Variants in SLC44A5 observed in about 807,000 individuals in gnomAD.
SLC44A5 encodes solute carrier family 44 member 5.
A neutral mutation model predicts 101.8 loss-of-function variants in SLC44A5; 57 were observed. The ratio of observed to expected loss-of-function variants is 0.56; its 90% CI spans 0.45 to 0.70. The LOEUF is 0.70. SLC44A5 is among the 30% of genes least tolerant of loss of function. The pLI is 0.00. For missense variants in SLC44A5, 737 were observed against 853.1 expected, an observed-to-expected ratio of 0.86 and a Z score of 1.70; for synonymous variants, 281 against 290.9, an observed-to-expected ratio of 0.97 and a Z score of 0.35.
At chr1:75,479,343 T>C (rs1404648586) in intron 2 of SLC44A5, among the ~76,000 whole-genome samples, 7 of 152,116 alleles carry the variant, frequency 4.6e-5, no homozygotes, top group South Asian at 2.1e-4. Flanking sequence ...TTAAAAGAAC[T>C]AGAAAAGCAA....
intron 4 of SLC44A5, among the ~76,000 whole-genome samples, chr1:75,323,876 G>C (rs1656373368): frequency 6.6e-6 from 1 of 152,154 alleles, no homozygotes; most frequent in Admixed American, 6.6e-5. Flanking sequence ...CAGCATACTA[G>C]TATTTCAAAG....
chr1:75,432,211 AC>A (rs1463672724), intron 2 of SLC44A5, among the ~76,000 whole-genome samples: 1 of 152,144 alleles, frequency 6.6e-6, no homozygotes, highest in African/African-American at 2.4e-5. Flanking sequence ...TCTTTATTAA[AC>A]AATACCTTTG....
At chr1:75,694,449 T>C in the SLC44A5 span, among the ~76,000 whole-genome samples, 1 of 152,128 alleles carries the variant, frequency 6.6e-6, no homozygotes, top group African/African-American at 2.4e-5. Context: ...GTTTTCTTCC[T>C]AGCATTTATC....
chr1:75,579,935 A>G (rs2102065320), intron 1 of SLC44A5, among the ~76,000 whole-genome samples: 1 of 152,250 alleles, frequency 6.6e-6, no homozygotes, highest in East Asian at 1.9e-4. Flanking sequence ...TTAAGATCTC[A>G]GATCAAATTT....
At chr1:75,556,761 G>A (rs1010683499) in intron 1 of SLC44A5, among the ~76,000 whole-genome samples, 3 of 152,090 alleles carry the variant, frequency 2.0e-5, no homozygotes, top group African/African-American at 7.2e-5. Flanking sequence ...TTTGGACAAG[G>A]ACGGGTAGGC....
At chr1:75,501,775 G>T (rs1398260833) in intron 2 of SLC44A5, among the ~76,000 whole-genome samples, 2 of 152,156 alleles carry the variant, frequency 1.3e-5, no homozygotes, top group Non-Finnish European at 2.9e-5. Flanking sequence ...ATGCTTATCT[G>T]ATGAATTGTT....
chr1:75,356,226 A>AG (rs1324116501), intron 3 of SLC44A5, among the ~76,000 whole-genome samples: 1 of 150,238 alleles, frequency 6.7e-6, no homozygotes. Context: ...AAAAAAAAAA[A>AG]AAAAAAGAGA....
rs146923857 is a variant in SLC44A5, at chr1:75,541,474, G to T, written c.-27C>A. On this transcript the variant is annotated 5_prime_UTR_variant, in exon 2 of 24. Transcript: ENST00000370859. ...GAGATAAAAGGCTGTCTCTTCAGAAGTAGGCCTGAATCACTGCAAACTTGA... is the reference window on the plus strand; with the variant it reads ...GAGATAAAAGGCTGTCTCTTCAGAATTAGGCCTGAATCACTGCAAACTTGA... 148 of 1,610,912 alleles carry T rather than the reference G, an allele frequency of 9.2e-5. No individual in the cohort carries two copies. In the African/African-American group the frequency reaches 1.4e-3, roughly 15 times the overall value.
chr1:75,579,188 C>T (rs1280621886), intron 1 of SLC44A5, among the ~76,000 whole-genome samples: 2 of 152,154 alleles, frequency 1.3e-5, no homozygotes. Flanking sequence ...TAGTTATAAT[C>T]TGGGAAAATG....
intron 5 of SLC44A5, among the ~76,000 whole-genome samples, chr1:75,293,494 AT>A (rs1308013723): frequency 6.6e-6 from 1 of 152,212 alleles, no homozygotes; most frequent in Non-Finnish European, 1.5e-5. Context: ...TTAAAGGTAC[AT>A]TTTAACTGTT....
chr1:75,528,452 A>G (rs544840704), intron 2 of SLC44A5, among the ~76,000 whole-genome samples: 2 of 152,354 alleles, frequency 1.3e-5, no homozygotes, highest in East Asian at 3.9e-4. Flanking sequence ...TACGAAATTA[A>G]GAGTATACAA....
At chr1:75,626,768 T>C in the SLC44A5 span, among the ~76,000 whole-genome samples, 1 of 152,132 alleles carries the variant, frequency 6.6e-6, no homozygotes, top group Non-Finnish European at 1.5e-5. Flanking sequence ...CTCCATTCTT[T>C]CACCTCTCTA....
chr1:75,431,248 G>C (rs1374227795), intron 2 of SLC44A5, among the ~76,000 whole-genome samples: 1 of 152,104 alleles, frequency 6.6e-6, no homozygotes, highest in East Asian at 1.9e-4. Context: ...AAGAAACAAA[G>C]CAAATACTTA....
intron 1 of SLC44A5, among the ~76,000 whole-genome samples, chr1:75,593,513 A>G (rs533755901): frequency 6.6e-6 from 1 of 152,254 alleles, no homozygotes; most frequent in Non-Finnish European, 1.5e-5. Context: ...GGAAATCAGT[A>G]TATCAAAGAG....
chr1:75,206,504 A>G, intron 23 of SLC44A5: 1 of 782,444 alleles, frequency 1.3e-6, no homozygotes, highest in Admixed American at 2.3e-5. Context: ...CTTAGAATTA[A>G]GCACAGAAAT....
At chr1:75,653,297 C>T in the SLC44A5 span, among the ~76,000 whole-genome samples, 1 of 152,134 alleles carries the variant, frequency 6.6e-6, no homozygotes, top group African/African-American at 2.4e-5. Flanking sequence ...GCCTGGCCAA[C>T]ATGGTGAAAC....
intron 1 of SLC44A5, among the ~76,000 whole-genome samples, chr1:75,562,885 T>C (rs923970242): frequency 7.2e-6 from 1 of 138,650 alleles, no homozygotes; most frequent in Non-Finnish European, 1.6e-5. Context: ...ATCCTCAATA[T>C]GTGAAACAAC....
intron 7 of SLC44A5, among the ~76,000 whole-genome samples, chr1:75,246,792 C>A (rs1278590747): frequency 6.6e-6 from 1 of 151,920 alleles, no homozygotes; most frequent in Admixed American, 6.6e-5. Context: ...AAAAATAATT[C>A]TCTAGGTAGG....
At chr1:75,219,210 A>T (rs1316616205) in intron 16 of SLC44A5, 47 bp downstream of exon 16, 1 of 1,257,242 alleles carries the variant, frequency 8.0e-7, no homozygotes, top group South Asian at 1.2e-5. Flanking sequence ...GAATTGCAGC[A>T]GAAGTCTATA....
Sources: allele counts gnomAD v4.1 joint callset (sites outside exome capture counted in the v4.1 genomes callset), GRCh38; gene constraint gnomAD v4.1.1; transcripts MANE v1.5; gene names NCBI Gene and HGNC (gene_info 2026-07-23, HGNC 2026-07-21).